The following SACS variants were observed in gnomAD, a reference collection of about 807,000 sequenced individuals.
The protein encoded by SACS is sacsin.
In SACS, 197 loss-of-function variants were observed where a neutral mutation model predicts 348.0. That is an observed-to-expected ratio of 0.57 (90% CI 0.50 to 0.64). The LOEUF (loss-of-function observed/expected upper bound fraction) is 0.64, where lower values mean the gene tolerates loss of function less well. SACS is among the 30% of genes least tolerant of loss of function. The pLI is 0.00. For synonymous variants in SACS, 1,985 were observed against 1,910.6 expected (o/e 1.04, Z -1.02); for missense variants, 4,999 against 5,360.8 (o/e 0.93, Z 2.11).
Position 23,340,293 on chromosome 13 carries a change from T to A in SACS, c.3583A>T (p.Ile1195Phe). 6.2e-7 allele frequency: 1 copy of A among 1,613,738 alleles called. No individual in the cohort carries two copies. Among genetic ancestry groups the A allele is most frequent in the Non-Finnish European group, 8.5e-7 (1 of 1,179,754 alleles). The change falls in exon 10 of 10, where the codon ATT (isoleucine) becomes TTT (phenylalanine). Residue 1195 changes from isoleucine (I) to phenylalanine (F), a missense_variant. Physicochemically the swap from Ile to Phe is conservative, Grantham distance 21 (BLOSUM62 0). Around this residue, in one of 6 missense-constraint regions of SACS, gnomAD observed 3,156 missense variants for 3,380.1 expected, o/e 0.93. Transcript: ENST00000382292. ...TCAACAAGAGGAAGTGAGGAGCCAA[T>A]GAGAATTGCATGGCCTACATCACAC... ...DMCDVGHAIL[I>F]GSSLPLVESI...
intron 1 of SACS, among the ~76,000 whole-genome samples, chr13:23,430,826 A>C (rs919331247): frequency 1.3e-5 from 2 of 152,176 alleles, no homozygotes; most frequent in African/African-American, 4.8e-5. Context: ...GTTTGTCTGG[A>C]TGTAAGGTTA....
chr13:23,407,609 G>A (rs1873288623), intron 2 of SACS, among the ~76,000 whole-genome samples: 1 of 152,204 alleles, frequency 6.6e-6, no homozygotes, highest in Non-Finnish European at 1.5e-5. Context: ...GAACAAAAAA[G>A]ACAACCAACA....
intron 1 of SACS, among the ~76,000 whole-genome samples, chr13:23,421,042 T>TA (rs1366014444): frequency 1.3e-5 from 2 of 152,006 alleles, no homozygotes; most frequent in Non-Finnish European, 2.9e-5. Flanking sequence ...GGTGTCCACC[T>TA]AAAGTGTGGG....
intron 2 of SACS, among the ~76,000 whole-genome samples, chr13:23,402,536 G>C (rs543612902): frequency 8.5e-5 from 13 of 152,306 alleles, no homozygotes; most frequent in African/African-American, 2.6e-4. Flanking sequence ...ATAGGAATCT[G>C]TTCCCCTTGT....
intron 1 of SACS, among the ~76,000 whole-genome samples, chr13:23,420,918 G>A (rs1248459504): frequency 6.6e-6 from 1 of 152,056 alleles, no homozygotes; most frequent in East Asian, 1.9e-4. Flanking sequence ...TTTACCTGGG[G>A]CCTCAGTGCC....
chr13:23,351,954 C>T (rs572849705), intron 9 of SACS, among the ~76,000 whole-genome samples: 11 of 152,280 alleles, frequency 7.2e-5, no homozygotes, highest in Non-Finnish European at 1.6e-4. Flanking sequence ...GAAAATGCAA[C>T]TTTGAAAGAT....
intron 2 of SACS, among the ~76,000 whole-genome samples, chr13:23,410,210 T>A (rs1401172806): frequency 6.6e-6 from 1 of 152,238 alleles, no homozygotes; most frequent in African/African-American, 2.4e-5. Flanking sequence ...AGTAATGGTG[T>A]GGAAATTAAT....
rs141443306 is a variant in SACS, at chr13:23,376,089, C to G, written c.21-820G>C. 8.7e-3 allele frequency among the ~76,000 whole-genome samples: 1,324 copies of G among 152,082 alleles called. 21 individuals are homozygous for G. The highest frequency in any genetic ancestry group is 0.031 in the African/African-American group (1,266 of 41,470). ...GAAGTAGGATCAGTGGCTCAGTTTG[C>G]TGGAGGAAAGAGAGCCAGCAGCAAA... On this transcript the variant is annotated intron_variant, in intron 2 of 9. Coordinates refer to ENST00000382292, the MANE Select transcript of SACS (RefSeq NM_014363.6).
At chr13:23,386,148 G>C (rs954941825) in intron 2 of SACS, among the ~76,000 whole-genome samples, 2 of 152,190 alleles carry the variant, frequency 1.3e-5, no homozygotes, top group Non-Finnish European at 2.9e-5. Context: ...AGCTGCATTA[G>C]CCCCTAACAA....
intron 6 of SACS, among the ~76,000 whole-genome samples, chr13:23,361,759 A>G (rs1870746020): frequency 6.6e-6 from 1 of 152,220 alleles, no homozygotes; most frequent in Non-Finnish European, 1.5e-5. Context: ...CCTGGGCAAC[A>G]AGAACAAAAC....
intron 2 of SACS, among the ~76,000 whole-genome samples, chr13:23,401,552 C>G (rs1310918658): frequency 1.3e-5 from 2 of 152,232 alleles, no homozygotes; most frequent in African/African-American, 4.8e-5. Flanking sequence ...GAGGCTATGT[C>G]ATGGACGGAT....
At chr13:23,352,936 A>G (rs2137703815) in intron 9 of SACS, among the ~76,000 whole-genome samples, 1 of 152,266 alleles carries the variant, frequency 6.6e-6, no homozygotes, top group South Asian at 2.1e-4. Context: ...ATGATTAGCA[A>G]CTTTCCCTAA....
Position 23,341,194 on chromosome 13 carries a change from C to T in SACS, c.2682G>A (p.Ser894=), listed in dbSNP as rs369958174. The T allele has an allele frequency of 1.8e-5, 29 of 1,613,460 alleles. No individual in the cohort carries two copies. The highest frequency in any genetic ancestry group is 4.4e-5 in the South Asian group (4 of 91,090). ...GGGCATCTTTGTGTGTTGGAAGTAG[C>T]GAAGTTATTTGATTACACAATTTCT... ...PLQKLCNQIT[S]LLPTHKDALR... is the part of the protein sequence containing the mutation. The change falls in exon 10 of 10, where the codon TCG becomes TCA. Residue 894 remains serine, a synonymous_variant. Coordinates refer to ENST00000382292, the MANE Select transcript of SACS (RefSeq NM_014363.6).
intron 4 of SACS, among the ~76,000 whole-genome samples, chr13:23,368,778 A>G (rs1456642393): frequency 6.6e-6 from 1 of 152,222 alleles, no homozygotes; most frequent in East Asian, 1.9e-4. Flanking sequence ...CCCTCACTGC[A>G]AGCTCCACCT....
intron 9 of SACS, among the ~76,000 whole-genome samples, chr13:23,349,403 G>A (rs1040113278): frequency 1.3e-5 from 2 of 152,182 alleles, no homozygotes; most frequent in African/African-American, 4.8e-5. Context: ...CTAAAGTTTT[G>A]CAATATTGAT....
At position 23,371,079 on chromosome 13, in the gene SACS, TC is replaced by T; in HGVS notation, c.257del (p.Gly86GlufsTer19). ...VNLQSKGLKG[G>X]GRFGQTTPPL... ...CTTCTGGTAAAGTCAATATTATACC[TC>T]CCCCTTTTAAGCCTTTTGATTGAAG... is the stretch of plus-strand genomic sequence containing the variant. On this transcript the variant is annotated frameshift_variant and splice_region_variant, in exon 4 of 10. Transcript: ENST00000382292. LOFTEE classifies it high-confidence loss of function. 3 of 1,580,954 alleles carry T rather than the reference TC, an allele frequency of 1.9e-6. No individual in the cohort carries two copies. Among genetic ancestry groups the T allele is most frequent in the Non-Finnish European group, 1.7e-6 (2 of 1,150,818 alleles).
In SACS at chr13:23,333,271, C is replaced by G. The variant is rs745338944; in HGVS notation, c.10605G>C (p.Lys3535Asn). The change falls in exon 10 of 10, where the codon AAG becomes AAC. Residue 3535 changes from lysine to asparagine, a missense_variant. Lys to Asn is a moderately conservative substitution (Grantham distance 94, BLOSUM62 0). Coordinates refer to ENST00000382292, the MANE Select transcript of SACS (RefSeq NM_014363.6). ...LIIHDANSRL[K>N]QAKHFYDRTV... Reference sequence around the variant, plus strand: ...TTCTATCATAGAAATGCTTTGCTTGCTTTAGTCTACTGTTAGCATCATGGA... The same window carrying G: ...TTCTATCATAGAAATGCTTTGCTTGGTTTAGTCTACTGTTAGCATCATGGA... 2.5e-6 allele frequency: 4 copies of G among 1,602,668 alleles called. No homozygotes were observed. The South Asian group carries it at 4.5e-5, about 18-fold the overall frequency.
intron 2 of SACS, among the ~76,000 whole-genome samples, chr13:23,382,567 A>G: frequency 6.6e-6 from 1 of 152,208 alleles, no homozygotes; most frequent in Non-Finnish European, 1.5e-5. Flanking sequence ...ATCATCAAAA[A>G]TGAATTTTTT....
In SACS at chr13:23,365,272, T is replaced by G. The variant is rs771820268; in HGVS notation, c.351A>C (p.Leu117Phe). 6.3e-7 allele frequency: 1 copy of G among 1,592,020 alleles called. No homozygotes were observed. The highest frequency in any genetic ancestry group is 8.6e-7 in the Non-Finnish European group (1 of 1,165,166). The part of the protein sequence containing the change: ...YPEGGQILKE[L>F]IQNAEDAGAT... ...CCCCAGCATCTTCTGCATTCTGAAT[T>G]AATTCCTAACCAAAAAATATACCAA... Residue 117 changes from leucine to phenylalanine, a missense_variant, in exon 6 of 10, where the codon TTA becomes TTC. This residue lies in a region of SACS where 3,156 missense variants were observed against 3,380.1 expected (regional missense o/e 0.93). Transcript: ENST00000382292.
Sources: gnomAD v4.1 joint callset for allele counts (sites outside exome capture counted in the v4.1 genomes callset) on GRCh38, gnomAD v4.1.1 for gene constraint, gnomAD v4.1.1 regional missense constraint, MANE v1.5 for transcripts, NCBI Gene and HGNC (gene_info 2026-07-23, HGNC 2026-07-21) for gene names.